The following CALN1 variants were observed in gnomAD, a reference collection of about 807,000 sequenced individuals.
CALN1 encodes calcium-binding protein 8.
In CALN1, 17 loss-of-function variants were observed where a neutral mutation model predicts 30.6. The ratio of observed to expected loss-of-function variants is 0.56; its 90% CI spans 0.38 to 0.83. The LOEUF is 0.83. CALN1 is among the 40% of genes least tolerant of loss of function. The pLI is 0.00. For missense variants in CALN1, 291 were observed against 354.9 expected, an observed-to-expected ratio of 0.82 and a Z score of 1.45; for synonymous variants, 156 against 131.4, an observed-to-expected ratio of 1.19 and a Z score of -1.28.
At chr7:72,499,003 G>T in the CALN1 span, among the ~76,000 whole-genome samples, 23,440 of 151,938 alleles carry the variant, frequency 0.15, 1,985 homozygotes, top group African/African-American at 0.2. Context: ...AGTTAATATT[G>T]GGGCAAATAT....
intron 2 of CALN1, among the ~76,000 whole-genome samples, chr7:72,319,046 G>A (rs943242770): frequency 2.0e-5 from 3 of 151,774 alleles, no homozygotes; most frequent in Non-Finnish European, 2.9e-5. Context: ...CTACCCAAAG[G>A]AAAAGAAATC....
At chr7:72,393,969 T>A (rs1395453571) in intron 2 of CALN1, among the ~76,000 whole-genome samples, 1 of 152,190 alleles carries the variant, frequency 6.6e-6, no homozygotes, top group East Asian at 1.9e-4. Flanking sequence ...AGTTGTGGCA[T>A]GTTTTATTAA....
rs866796436 is a variant in CALN1 at position 72,181,101 on chromosome 7, C to A, written c.245-74807G>T. Among the ~76,000 whole-genome samples the A allele has an allele frequency of 4.3e-3, 357 of 83,470 alleles. 10 individuals are homozygous for A. Among genetic ancestry groups the A allele is most frequent in the African/African-American group, 0.015 (311 of 20,214 alleles). The allele number at this position is 83,470 out of a possible 152,430, so 54.8% of individuals were successfully genotyped here. ...CAACAGAGCGAAACTGCATAACCCC[C>A]CCCCCCCCCAAAAAAAAAAAAAATT... On this transcript the variant is annotated intron_variant, in intron 3 of 6. Transcript: ENST00000395275.
intron 2 of CALN1, among the ~76,000 whole-genome samples, chr7:72,392,000 G>A (rs1409867707): frequency 6.6e-6 from 1 of 152,222 alleles, no homozygotes; most frequent in African/African-American, 2.4e-5. Flanking sequence ...TATGGCAGAA[G>A]CAATAGCTTA....
intron 2 of CALN1, among the ~76,000 whole-genome samples, chr7:72,345,924 GC>G (rs1281292256): frequency 3.9e-5 from 6 of 152,004 alleles, no homozygotes; most frequent in African/African-American, 1.5e-4. Flanking sequence ...AAATCAACAG[GC>G]ATGTCCGGAA....
At chr7:72,354,460 A>T (rs1803108825) in intron 2 of CALN1, among the ~76,000 whole-genome samples, 1 of 152,204 alleles carries the variant, frequency 6.6e-6, no homozygotes, top group Non-Finnish European at 1.5e-5. Flanking sequence ...TTAAAAATTT[A>T]TATATGTATG....
At chr7:71,878,337 G>T (rs1792368913) in intron 5 of CALN1, among the ~76,000 whole-genome samples, 1 of 152,016 alleles carries the variant, frequency 6.6e-6, no homozygotes, top group Non-Finnish European at 1.5e-5. Flanking sequence ...AGGAGGCAGA[G>T]GTTGCAGTGA....
chr7:71,916,458 G>T (rs1794692529), intron 5 of CALN1, among the ~76,000 whole-genome samples: 1 of 152,008 alleles, frequency 6.6e-6, no homozygotes, highest in African/African-American at 2.4e-5. Context: ...AGAAAATGTG[G>T]TACACATACA....
chr7:72,186,597 CCA>C (rs1382650418), intron 3 of CALN1, among the ~76,000 whole-genome samples: 1 of 152,102 alleles, frequency 6.6e-6, no homozygotes, highest in African/African-American at 2.4e-5. Context: ...CTGGTAGTCT[CCA>C]GTGTCCCCAT....
rs970646932 is a variant in CALN1, at chr7:71,991,878, T to A, written c.501+31779A>T. On this transcript the variant is annotated intron_variant, in intron 5 of 6. Coordinates refer to ENST00000395275, the MANE Select transcript of CALN1 (RefSeq NM_031468.4). ...ATTTGATAATAATGAGTTGTAAAAA[T>A]AAGTAATTCAAAATCTAAGCTGTTG... Among the ~76,000 whole-genome samples the A allele has an allele frequency of 2.0e-5, 3 of 151,912 alleles. No individual in the cohort carries two copies. The South Asian group carries it at 6.2e-4, about 31-fold the overall frequency.
At chr7:72,201,784 C>G (rs1290054263) in intron 3 of CALN1, among the ~76,000 whole-genome samples, 1 of 148,728 alleles carries the variant, frequency 6.7e-6, no homozygotes, top group Admixed American at 6.7e-5. Flanking sequence ...CAAAAGCCAG[C>G]TAGAACCTGG....
In CALN1 at chr7:72,147,260, A is replaced by C. The variant is rs939562075; in HGVS notation, c.245-40966T>G. Among the ~76,000 whole-genome samples, 3 of 152,156 alleles carry C rather than the reference A, an allele frequency of 2.0e-5. No homozygotes were observed. The East Asian group carries it at 5.8e-4, about 29-fold the overall frequency. On this transcript the variant is annotated intron_variant, in intron 3 of 6. Transcript: ENST00000395275. Reference sequence around the variant, plus strand: ...TATCCAGAATCTACAAAGAACTCAAACAAATTTACAAGAAAAACACAACCC... The same window carrying C: ...TATCCAGAATCTACAAAGAACTCAACCAAATTTACAAGAAAAACACAACCC...
chr7:72,189,985 G>A (rs1446098892), intron 3 of CALN1, among the ~76,000 whole-genome samples: 1 of 152,120 alleles, frequency 6.6e-6, no homozygotes, highest in Non-Finnish European at 1.5e-5. Context: ...CCAGGAAGAT[G>A]TTAGCATGTA....
chr7:72,081,944 T>C (rs1044537553), intron 4 of CALN1, among the ~76,000 whole-genome samples: 3 of 152,152 alleles, frequency 2.0e-5, no homozygotes, highest in African/African-American at 7.2e-5. Context: ...TTTTCATTCA[T>C]GGTAGACATG....
At chr7:72,338,179 T>G (rs539572510) in intron 2 of CALN1, among the ~76,000 whole-genome samples, 1 of 152,186 alleles carries the variant, frequency 6.6e-6, no homozygotes, top group African/African-American at 2.4e-5. Context: ...GTTGTGCCAA[T>G]AAAGAAAGAG....
chr7:72,497,781 G>A, the CALN1 span, among the ~76,000 whole-genome samples: 22 of 152,172 alleles, frequency 1.4e-4, no homozygotes, highest in South Asian at 2.9e-3. Context: ...TACCAGACAC[G>A]TGAAGAAGTA....
At chr7:72,183,057 G>T (rs1436053554) in intron 3 of CALN1, among the ~76,000 whole-genome samples, 1 of 152,022 alleles carries the variant, frequency 6.6e-6, no homozygotes, top group African/African-American at 2.4e-5. Context: ...TGTTTTTGGG[G>T]TGTTTGTTGT....
chr7:72,445,542 G>A (rs948874234), intron 1 of CALN1, among the ~76,000 whole-genome samples: 4 of 152,140 alleles, frequency 2.6e-5, no homozygotes, highest in South Asian at 2.1e-4. Flanking sequence ...CATCTCTCCC[G>A]GGGTTACTTC....
intron 4 of CALN1, among the ~76,000 whole-genome samples, chr7:72,074,044 G>A (rs1804572766): frequency 6.6e-6 from 1 of 152,134 alleles, no homozygotes; most frequent in Non-Finnish European, 1.5e-5. Flanking sequence ...GGTGCAAGGA[G>A]TCGGATAAGA....
Sources: gnomAD v4.1 joint callset for allele counts (sites outside exome capture counted in the v4.1 genomes callset) on GRCh38, gnomAD v4.1.1 for gene constraint, MANE v1.5 for transcripts, NCBI Gene and HGNC (gene_info 2026-07-23, HGNC 2026-07-21) for gene names.